RP2: variants seen among roughly 807,000 people sequenced by gnomAD.
RP2 encodes the protein protein XRP2.
A neutral mutation model predicts 20.3 loss-of-function variants in RP2; 3 were observed. The observed-to-expected ratio is 0.15, with a 90% CI of 0.07 to 0.38. RP2 has a LOEUF of 0.38. Ranked by LOEUF, RP2 falls within the 10% of genes least tolerant of loss-of-function variation. RP2 has a pLI of 1.00. For missense variants in RP2, 233 were observed against 268.5 expected, an observed-to-expected ratio of 0.87 and a Z score of 0.92; for synonymous variants, 75 against 94.8, an observed-to-expected ratio of 0.79 and a Z score of 1.22.
intron 2 of RP2, among the ~76,000 whole-genome samples, chrX:46,854,771 AT>A (rs1194714680): frequency 4.4e-4 from 46 of 104,167 alleles, no homozygotes; most frequent in African/African-American, 1.2e-3. Flanking sequence ...AGAAAATGCA[AT>A]TTTTTTTTTT....
rs376299065 is a variant in RP2, at chrX:46,871,108, G to A, written c.884-6397G>A. ...AGTGCAGTGGCACACTGCAACCTCC[G>A]CCTCCCGGGTTCAAGCAATTGTCCT... On this transcript the variant is annotated intron_variant, in intron 3 of 4. Coordinates refer to ENST00000218340, the MANE Select transcript of RP2 (RefSeq NM_006915.3). Among the ~76,000 whole-genome samples, 482 of 89,930 alleles carry A rather than the reference G, an allele frequency of 5.4e-3. 4 individuals carry two copies. Among genetic ancestry groups the A allele is most frequent in the African/African-American group, 0.02 (463 of 22,985 alleles). 78.1% of individuals were successfully genotyped at this position (89,930 alleles called of 115,157 possible).
chrX:46,865,489 C>G (rs1391673108), intron 3 of RP2, among the ~76,000 whole-genome samples: 1 of 112,222 alleles, frequency 8.9e-6, no homozygotes, highest in African/African-American at 3.2e-5. Flanking sequence ...CCAGATTTCT[C>G]TGCCGTAAAG....
intron 3 of RP2, among the ~76,000 whole-genome samples, chrX:46,868,982 C>A (rs1292585132): frequency 9.1e-6 from 1 of 109,693 alleles, no homozygotes; most frequent in Non-Finnish European, 1.9e-5. Flanking sequence ...GCCTGTAGTC[C>A]CAGCTACTTG....
chrX:46,855,526 G>A (rs2147081994), intron 2 of RP2, among the ~76,000 whole-genome samples: 1 of 110,325 alleles, frequency 9.1e-6, no homozygotes, highest in Non-Finnish European at 1.9e-5. Flanking sequence ...GGAGTGCAGT[G>A]GCGCGATCTC....
At chrX:46,872,008 A>G (rs1204680867) in intron 3 of RP2, among the ~76,000 whole-genome samples, 1 of 111,387 alleles carries the variant, frequency 9.0e-6, no homozygotes, top group South Asian at 3.8e-4. Context: ...TGGTGCAGTC[A>G]TAGCTCAACT....
intron 2 of RP2, among the ~76,000 whole-genome samples, chrX:46,858,347 C>G (rs1271327281): frequency 1.8e-5 from 2 of 111,394 alleles, no homozygotes; most frequent in Non-Finnish European, 3.8e-5. Flanking sequence ...GTTGCAGCAC[C>G]CTGGTTGATA....
At chrX:46,846,242 G>C (rs782270468) in intron 1 of RP2, among the ~76,000 whole-genome samples, 1 of 111,636 alleles carries the variant, frequency 9.0e-6, no homozygotes, top group East Asian at 2.8e-4. Context: ...CATTTCACTT[G>C]GGTAAATACT....
chrX:46,863,725 A>G (rs1556321228), intron 3 of RP2, among the ~76,000 whole-genome samples: 2 of 111,759 alleles, frequency 1.8e-5, no homozygotes, highest in African/African-American at 6.5e-5. Context: ...GCAACGAAAA[A>G]TGTTTCCAGA....
At chrX:46,838,043 CTACTT>C (rs1215031072) in intron 1 of RP2, among the ~76,000 whole-genome samples, 15 of 112,671 alleles carry the variant, frequency 1.3e-4, no homozygotes, top group African/African-American at 4.5e-4. Flanking sequence ...GCTTACTAAA[CTACTT>C]TGATGGACTT....
chrX:46,879,781 G>C lies in RP2; in HGVS notation c.*12G>C. 9.1e-7 allele frequency: 1 copy of C among 1,100,372 alleles called. No homozygotes were observed. The allele number at this position is 1,100,372 out of a possible 1,213,427, so 90.7% of individuals were successfully genotyped here. On this transcript the variant is annotated 3_prime_UTR_variant, in exon 5 of 5. Coordinates refer to ENST00000218340, the MANE Select transcript of RP2 (RefSeq NM_006915.3). Reference sequence around the variant, plus strand: ...AGATGGGAATATGAAGTGCAATGTGGAACCAGGACTTGGTATTAAGCCTTT... The same window carrying C: ...AGATGGGAATATGAAGTGCAATGTGCAACCAGGACTTGGTATTAAGCCTTT...
At chrX:46,869,901 G>A (rs1453699330) in intron 3 of RP2, among the ~76,000 whole-genome samples, 4 of 111,689 alleles carry the variant, frequency 3.6e-5, no homozygotes, top group East Asian at 2.8e-4. Flanking sequence ...GAGCCACCGC[G>A]CCTGGTGCAA....
At chrX:46,870,263 A>G (rs1925266786) in intron 3 of RP2, among the ~76,000 whole-genome samples, 1 of 110,738 alleles carries the variant, frequency 9.0e-6, no homozygotes, top group South Asian at 4.0e-4. Flanking sequence ...TCACTCCACC[A>G]TGCCCAGCTA....
Position 46,853,346 on chromosome X carries a change from G to A in RP2, c.103-130G>A, listed in dbSNP as rs1372843510. 7.3e-6 allele frequency: 4 copies of A among 544,490 alleles called. No homozygotes were observed. The Admixed American group carries it at 1.1e-4, about 16-fold the overall frequency. 44.9% of individuals were successfully genotyped at this position (544,490 alleles called of 1,213,427 possible). On this transcript the variant is annotated intron_variant, in intron 1 of 4. Coordinates refer to ENST00000218340, the MANE Select transcript of RP2 (RefSeq NM_006915.3). Reference sequence around the variant, plus strand: ...TTTGTCCTGTTCATTTTGTTACTGTGTTTCAAAGTCATTGAGATTAAGAAT... The same window carrying A: ...TTTGTCCTGTTCATTTTGTTACTGTATTTCAAAGTCATTGAGATTAAGAAT...
At chrX:46,854,233 A>C (rs1396882872) in intron 2 of RP2, 92 bp downstream of exon 2, 1 of 873,475 alleles carries the variant, frequency 1.1e-6, no homozygotes, top group Non-Finnish European at 1.6e-6. Flanking sequence ...TGGCTATTGG[A>C]AATACAGGCA....
At chrX:46,838,712 T>C (rs1924561339) in intron 1 of RP2, among the ~76,000 whole-genome samples, 1 of 112,574 alleles carries the variant, frequency 8.9e-6, no homozygotes. Context: ...TCAGGTTAGT[T>C]AGGACTTCTC....
At chrX:46,862,121 C>T (rs2147083775) in intron 3 of RP2, among the ~76,000 whole-genome samples, 1 of 112,054 alleles carries the variant, frequency 8.9e-6, no homozygotes, top group East Asian at 2.8e-4. Flanking sequence ...TACCTGTAAT[C>T]CCAACACTTT....
chrX:46,848,649 G>A (rs1924802520), intron 1 of RP2, among the ~76,000 whole-genome samples: 1 of 109,025 alleles, frequency 9.2e-6, no homozygotes, highest in Non-Finnish European at 1.9e-5. Context: ...CTCCCAATGT[G>A]CTGGGATTAC....
In RP2 at chrX:46,853,539, A is replaced by G; in HGVS notation, c.166A>G (p.Thr56Ala). ...KDETVGRLPGTVAGQQFLIQD... is the reference protein window; with the variant it reads ...KDETVGRLPGAVAGQQFLIQD... ...TGAAACAGTAGGTCGCTTACCTGGGACGGTAGCAGGACAACAGTTTCTCAT... is the reference window on the plus strand; with the variant it reads ...TGAAACAGTAGGTCGCTTACCTGGGGCGGTAGCAGGACAACAGTTTCTCAT... Residue 56 changes from threonine (T) to alanine (A), a missense_variant, in exon 2 of 5, where the codon ACG becomes GCG. Around this residue, in one of 3 missense-constraint regions of RP2, gnomAD observed 77 missense variants for 71.8 expected, o/e 1.07. Transcript: ENST00000218340. The G allele has an allele frequency of 8.3e-7, 1 of 1,210,999 alleles. No homozygotes were observed. Among genetic ancestry groups the G allele is most frequent in the Non-Finnish European group, 1.1e-6 (1 of 894,983 alleles).
chrX:46,881,508 CTT>C lies in RP2; in HGVS notation c.*1740_*1741del, dbSNP rs781970896. 5.4e-5 allele frequency: 6 copies of C among 110,441 alleles called. No homozygotes were observed. The highest frequency in any genetic ancestry group is 1.3e-4 in the African/African-American group (4 of 30,301). 9.1% of individuals were successfully genotyped at this position (110,441 alleles called of 1,213,427 possible). On this transcript the variant is annotated 3_prime_UTR_variant, in exon 5 of 5. Coordinates refer to ENST00000218340, the MANE Select transcript of RP2 (RefSeq NM_006915.3). The stretch of plus-strand genomic sequence containing the variant: ...ATTATTTTTGAGGTGGAGTTTCACT[CTT>C]GTTGCCCAAGCTGGAGTGCAATGGC...
Sources: allele counts gnomAD v4.1 joint callset (sites outside exome capture counted in the v4.1 genomes callset), GRCh38; gene constraint gnomAD v4.1.1; regional missense constraint gnomAD v4.1.1; transcripts MANE v1.5; gene names NCBI Gene and HGNC (gene_info 2026-07-23, HGNC 2026-07-21).